RSRC1: variants seen among roughly 807,000 people sequenced by gnomAD.
RSRC1 encodes serine/Arginine-related protein 53.
In RSRC1, 39 loss-of-function variants were observed where a neutral mutation model predicts 49.1. The observed-to-expected ratio is 0.79, with a 90% CI of 0.61 to 1.04. The LOEUF (loss-of-function observed/expected upper bound fraction) is 1.04, where lower values mean the gene tolerates loss of function less well. RSRC1 is among the 50% of genes least tolerant of loss of function. The pLI, the probability that RSRC1 is intolerant of heterozygous loss-of-function variation, is 0.00. For synonymous variants in RSRC1, 143 were observed against 130.8 expected, an observed-to-expected ratio of 1.09 and a Z score of -0.63; for missense variants, 388 against 402.4, an observed-to-expected ratio of 0.96 and a Z score of 0.31.
chr3:158,464,466 A>C (rs1166473614), intron 7 of RSRC1, among the ~76,000 whole-genome samples: 1 of 152,060 alleles, frequency 6.6e-6, no homozygotes, highest in Admixed American at 6.6e-5. Flanking sequence ...TTTTGTTTCC[A>C]AAAGTGTTAG....
intron 3 of RSRC1, among the ~76,000 whole-genome samples, chr3:158,191,985 A>G (rs1289693926): frequency 1.3e-5 from 2 of 152,174 alleles, no homozygotes; most frequent in African/African-American, 2.4e-5. Flanking sequence ...GTTTATTTCA[A>G]TCTGTGCTTG....
chr3:158,426,055 G>T (rs568783242), intron 6 of RSRC1, among the ~76,000 whole-genome samples: 1 of 151,518 alleles, frequency 6.6e-6, no homozygotes, highest in Non-Finnish European at 1.5e-5. Context: ...AAATGATAGT[G>T]TTAAAAGAAT....
intron 4 of RSRC1, among the ~76,000 whole-genome samples, chr3:158,289,924 T>TATCCATCCATCC (rs138336070): frequency 0.039 from 5,812 of 149,854 alleles, 383 homozygotes; most frequent in African/African-American, 0.13. Context: ...TCTATCTTTC[T>TATCCATCCATCC]ATCCATCCAT....
intron 4 of RSRC1, among the ~76,000 whole-genome samples, chr3:158,285,634 AT>A (rs1308363305): frequency 1.3e-5 from 2 of 151,982 alleles, no homozygotes; most frequent in African/African-American, 4.8e-5. Context: ...ATTCCTAGGT[AT>A]TTTATTCTCT....
intron 3 of RSRC1, among the ~76,000 whole-genome samples, chr3:158,169,336 A>G (rs774311953): frequency 6.6e-6 from 1 of 152,148 alleles, no homozygotes; most frequent in Non-Finnish European, 1.5e-5. Context: ...TTTCACAAAT[A>G]TTAATGACTC....
intron 7 of RSRC1, among the ~76,000 whole-genome samples, chr3:158,508,451 A>G (rs375905112): frequency 7.0e-6 from 1 of 143,678 alleles, no homozygotes; most frequent in Non-Finnish European, 1.5e-5. Flanking sequence ...ATATATAACT[A>G]AAGTCTGTGT....
intron 3 of RSRC1, among the ~76,000 whole-genome samples, chr3:158,145,531 G>T (rs1388121754): frequency 6.6e-6 from 1 of 152,152 alleles, no homozygotes; most frequent in African/African-American, 2.4e-5. Flanking sequence ...TTTGGTTACT[G>T]TAACCTTGTA....
At chr3:158,173,285 A>G (rs1718990803) in intron 3 of RSRC1, among the ~76,000 whole-genome samples, 1 of 151,896 alleles carries the variant, frequency 6.6e-6, no homozygotes, top group African/African-American at 2.4e-5. Context: ...TCATAACTCA[A>G]TTTTTCAGTG....
At position 158,416,597 on chromosome 3, in the gene RSRC1, C is replaced by T. The variant is rs975394967; in HGVS notation, c.584-44338C>T. Among the ~76,000 whole-genome samples, 11 of 152,132 alleles carry T rather than the reference C, an allele frequency of 7.2e-5. No homozygotes were observed. The South Asian group carries it at 1.2e-3, about 17-fold the overall frequency. On this transcript the variant is annotated intron_variant, in intron 6 of 9. Transcript: ENST00000611884. ...AGCAAGGCTTCAGAGGAATCCAGTC[C>T]CTAGCCTTCAAGTAAGCCTCAGCCT...
intron 4 of RSRC1, among the ~76,000 whole-genome samples, chr3:158,241,677 A>C (rs1262665508): frequency 6.6e-6 from 1 of 152,092 alleles, no homozygotes; most frequent in Non-Finnish European, 1.5e-5. Flanking sequence ...TTGCAATAAA[A>C]GATTTAGTAG....
At chr3:158,453,651 G>T (rs1737167551) in intron 6 of RSRC1, among the ~76,000 whole-genome samples, 1 of 151,958 alleles carries the variant, frequency 6.6e-6, no homozygotes, top group Admixed American at 6.6e-5. Flanking sequence ...ATACAGGTGT[G>T]AGCCACCACA....
chr3:158,429,315 G>C (rs1735640585), intron 6 of RSRC1, among the ~76,000 whole-genome samples: 1 of 150,084 alleles, frequency 6.7e-6, no homozygotes. Flanking sequence ...CTCTCCGTCA[G>C]TTAACCTGGA....
At chr3:158,451,887 C>T (rs932732010) in intron 6 of RSRC1, among the ~76,000 whole-genome samples, 2 of 151,668 alleles carry the variant, frequency 1.3e-5, no homozygotes, top group Non-Finnish European at 2.9e-5. Flanking sequence ...TGAATGTTTC[C>T]CCAGTCCCAA....
intron 2 of RSRC1, 83 bp from the exon 3 acceptor site, chr3:158,123,783 T>A: frequency 7.8e-7 from 1 of 1,288,266 alleles, no homozygotes; most frequent in South Asian, 1.4e-5. Context: ...AATCAGATGA[T>A]TCTTTAGAAT....
At chr3:158,194,856 A>G (rs1171311967) in intron 3 of RSRC1, among the ~76,000 whole-genome samples, 2 of 152,084 alleles carry the variant, frequency 1.3e-5, no homozygotes, top group East Asian at 1.9e-4. Context: ...ATAGCATTCC[A>G]TGGTGTATAT....
intron 7 of RSRC1, among the ~76,000 whole-genome samples, chr3:158,474,387 G>A (rs1027779057): frequency 2.6e-5 from 4 of 152,104 alleles, no homozygotes; most frequent in African/African-American, 9.7e-5. Flanking sequence ...AAATGCAAAC[G>A]ATCATCTGAG....
At chr3:158,370,905 G>A (rs544982180) in intron 6 of RSRC1, among the ~76,000 whole-genome samples, 2 of 151,998 alleles carry the variant, frequency 1.3e-5, no homozygotes, top group East Asian at 3.9e-4. Context: ...AGCATTGTAT[G>A]AAAGTTTGCT....
intron 5 of RSRC1, among the ~76,000 whole-genome samples, chr3:158,299,615 C>T (rs187543986): frequency 4.6e-4 from 70 of 152,130 alleles, no homozygotes; most frequent in African/African-American, 1.7e-3. Flanking sequence ...GAATTACAGG[C>T]GTGAGCCACC....
intron 5 of RSRC1, among the ~76,000 whole-genome samples, chr3:158,350,622 G>A (rs1730819945): frequency 1.3e-5 from 2 of 152,000 alleles, no homozygotes; most frequent in African/African-American, 2.4e-5. Flanking sequence ...TAGAAATAGT[G>A]TTTTTTAATG....
Sources: allele counts gnomAD v4.1 joint callset (sites outside exome capture counted in the v4.1 genomes callset), GRCh38; gene constraint gnomAD v4.1.1; transcripts MANE v1.5; gene names NCBI Gene and HGNC (gene_info 2026-07-23, HGNC 2026-07-21).